Variants in TBC1D5 observed in about 807,000 individuals in gnomAD.
TBC1D5 encodes the protein TBC1 domain family member 5, also known as TBC1 domain family, member 5.
Under a neutral mutation model 100.3 loss-of-function variants are expected in TBC1D5, and 75 were observed. The ratio of observed to expected loss-of-function variants is 0.75; its 90% CI spans 0.62 to 0.91. TBC1D5 has a LOEUF of 0.91. Among genes scored for constraint, TBC1D5 ranks in the 40% least tolerant of loss-of-function variants. TBC1D5 has a pLI of 0.00. For missense variants in TBC1D5, 910 were observed against 942.4 expected (o/e 0.97, Z 0.45); for synonymous variants, 323 against 325.6 (o/e 0.99, Z 0.09).
At chr3:17,510,203 A>C (rs898495494) in intron 2 of TBC1D5, among the ~76,000 whole-genome samples, 14 of 152,068 alleles carry the variant, frequency 9.2e-5, no homozygotes, top group Admixed American at 8.5e-4. Context: ...AGAGATGTTC[A>C]TGAATACATA....
At chr3:17,584,288 C>CA (rs914751764) in intron 2 of TBC1D5, among the ~76,000 whole-genome samples, 1 of 152,206 alleles carries the variant, frequency 6.6e-6, no homozygotes, top group African/African-American at 2.4e-5. Context: ...ATAACACTGT[C>CA]AGTGTACTCA....
chr3:17,620,304 A>G (rs939132644), intron 2 of TBC1D5, among the ~76,000 whole-genome samples: 1 of 152,226 alleles, frequency 6.6e-6, no homozygotes, highest in African/African-American at 2.4e-5. Context: ...TCAACCAGCA[A>G]TCCCATTTCC....
intron 1 of TBC1D5, among the ~76,000 whole-genome samples, chr3:17,723,969 T>C (rs186748595): frequency 6.6e-6 from 1 of 152,256 alleles, no homozygotes; most frequent in East Asian, 1.9e-4. Context: ...ATGTTCTCTT[T>C]AAAATCAGAG....
At chr3:17,711,177 A>G (rs544583606) in intron 1 of TBC1D5, among the ~76,000 whole-genome samples, 8 of 152,308 alleles carry the variant, frequency 5.3e-5, no homozygotes, top group African/African-American at 1.9e-4. Flanking sequence ...AGAACACTAG[A>G]TTAAAAATAC....
chr3:17,485,664 T>C (rs935614644), intron 3 of TBC1D5, among the ~76,000 whole-genome samples: 9 of 152,084 alleles, frequency 5.9e-5, no homozygotes, highest in South Asian at 2.1e-4. Context: ...CTACAAAGGA[T>C]ATGAACTCAT....
intron 1 of TBC1D5, among the ~76,000 whole-genome samples, chr3:17,678,025 G>C (rs1242541663): frequency 6.6e-6 from 1 of 152,102 alleles, no homozygotes; most frequent in Non-Finnish European, 1.5e-5. Flanking sequence ...AGCATTAGGA[G>C]ATATACCTAA....
At chr3:17,669,487 A>G (rs1261259204) in intron 1 of TBC1D5, among the ~76,000 whole-genome samples, 1 of 152,226 alleles carries the variant, frequency 6.6e-6, no homozygotes, top group African/African-American at 2.4e-5. Context: ...TTGGATTAAA[A>G]TTCCTAAACC....
At chr3:17,433,166 G>A (rs2094474513) in intron 3 of TBC1D5, among the ~76,000 whole-genome samples, 1 of 152,268 alleles carries the variant, frequency 6.6e-6, no homozygotes, top group Admixed American at 6.5e-5. Context: ...GTTCTACCCT[G>A]TGTAAGGGCC....
At chr3:17,263,820 TTC>T (rs1375729656) in intron 15 of TBC1D5, among the ~76,000 whole-genome samples, 1 of 152,232 alleles carries the variant, frequency 6.6e-6, no homozygotes, top group Non-Finnish European at 1.5e-5. Flanking sequence ...TGCAAAATGC[TTC>T]TGTTAATTTA....
chr3:17,285,323 C>G (rs932696914), intron 15 of TBC1D5, among the ~76,000 whole-genome samples: 4 of 136,416 alleles, frequency 2.9e-5, no homozygotes, highest in Non-Finnish European at 6.1e-5. Context: ...TGCAGTGGCG[C>G]GATCTCGGCT....
intron 13 of TBC1D5, chr3:17,340,527 A>G (rs1381988443): frequency 6.6e-6 from 1 of 152,232 alleles, no homozygotes; most frequent in African/African-American, 2.4e-5. Flanking sequence ...CCTCTGTACT[A>G]TATCAATACC....
chr3:17,679,011 G>T (rs2069077857), intron 1 of TBC1D5, among the ~76,000 whole-genome samples: 1 of 150,302 alleles, frequency 6.7e-6, no homozygotes, highest in Non-Finnish European at 1.5e-5. Context: ...CATTAATCAA[G>T]TCTGAGAGTA....
At chr3:17,197,931 G>A (rs1313570090) in intron 18 of TBC1D5, among the ~76,000 whole-genome samples, 1 of 152,110 alleles carries the variant, frequency 6.6e-6, no homozygotes. Context: ...CAGCTACTTG[G>A]GAGGCAGAAG....
chr3:17,302,336 T>C (rs1436599182), intron 14 of TBC1D5, among the ~76,000 whole-genome samples: 1 of 152,188 alleles, frequency 6.6e-6, no homozygotes, highest in African/African-American at 2.4e-5. Flanking sequence ...TCTTGCCAAA[T>C]TTCCTTCTTC....
Position 17,275,564 on chromosome 3 carries a change from A to C in TBC1D5, c.1245+16331T>G, listed in dbSNP as rs2079900817. On this transcript the variant is annotated intron_variant, in intron 15 of 21. Transcript: ENST00000253692. ...CTTTAAACAAACCAACCAACCAACCAACCCCCCGTAACTAGGTGGTTTCCA... is the reference window on the plus strand; with the variant it reads ...CTTTAAACAAACCAACCAACCAACCCACCCCCCGTAACTAGGTGGTTTCCA... Among the ~76,000 whole-genome samples the C allele has an allele frequency of 6.6e-5, 10 of 152,274 alleles. No individual in the cohort carries two copies. In the South Asian group the frequency reaches 2.1e-3, roughly 32 times the overall value.
At chr3:17,704,578 G>C (rs1382699425) in intron 1 of TBC1D5, among the ~76,000 whole-genome samples, 2 of 79,346 alleles carry the variant, frequency 2.5e-5, no homozygotes. Flanking sequence ...CCTCCCGGAC[G>C]GGGCGGCTGG....
chr3:17,309,877 C>A (rs1362521614), intron 13 of TBC1D5, among the ~76,000 whole-genome samples: 1 of 152,064 alleles, frequency 6.6e-6, no homozygotes, highest in Non-Finnish European at 1.5e-5. Flanking sequence ...AATGTTTGCA[C>A]TCTTAAACGA....
At chr3:17,443,276 C>T (rs2094707180) in intron 3 of TBC1D5, among the ~76,000 whole-genome samples, 1 of 152,182 alleles carries the variant, frequency 6.6e-6, no homozygotes, top group African/African-American at 2.4e-5. Flanking sequence ...TCAGGTCTCA[C>T]TTGCACTCCG....
intron 1 of TBC1D5, among the ~76,000 whole-genome samples, chr3:17,710,157 A>G (rs1192114393): frequency 1.3e-5 from 2 of 151,992 alleles, no homozygotes; most frequent in East Asian, 1.9e-4. Context: ...CTAAGGGGAG[A>G]AAAAAAATAC....
Sources: allele counts gnomAD v4.1 joint callset (sites outside exome capture counted in the v4.1 genomes callset), GRCh38; gene constraint gnomAD v4.1.1; transcripts MANE v1.5; gene names NCBI Gene and HGNC (gene_info 2026-07-23, HGNC 2026-07-21).